Variants in HR observed in about 807,000 individuals in gnomAD.
HR encodes HR lysine demethylase and nuclear receptor corepressor.
Under a neutral mutation model 128.6 loss-of-function variants are expected in HR, and 83 were observed. That is an observed-to-expected ratio of 0.65 (90% CI 0.54 to 0.77). HR has a LOEUF of 0.77. HR is among the 30% of genes least tolerant of loss of function. The pLI is 0.00. For synonymous variants in HR, 681 were observed against 658.2 expected, an observed-to-expected ratio of 1.03 and a Z score of -0.53; for missense variants, 1,490 against 1,574.6, an observed-to-expected ratio of 0.95 and a Z score of 0.91.
chr8:22,125,097 C>T (rs1826850305), intron 5 of HR, among the ~76,000 whole-genome samples: 1 of 152,258 alleles, frequency 6.6e-6, no homozygotes, highest in South Asian at 2.1e-4. Context: ...CTTGCAGATA[C>T]TTGGCACTCA....
In HR at chr8:22,127,732, A is replaced by G. The variant is rs1451397097; in HGVS notation, c.710T>C (p.Leu237Pro). 1.0e-5 allele frequency: 16 copies of G among 1,605,152 alleles called. No individual in the cohort carries two copies. Among genetic ancestry groups the G allele is most frequent in the Non-Finnish European group, 1.4e-5 (16 of 1,179,990 alleles). The stretch of plus-strand genomic sequence containing the variant: ...GCGTTCGGCCTCCCCGGCTCTCTGC[A>G]GGTGCCCACCAGAGTTTAAGCCAAA... Reference protein sequence around the residue: ...GLFGLNSGGHLQRAGEAERPS... With the variant: ...GLFGLNSGGHPQRAGEAERPS... The change falls in exon 3 of 19, where the codon CTG becomes CCG. Residue 237 changes from leucine to proline, a missense_variant. Leu to Pro is a moderately conservative substitution (Grantham distance 98). This residue lies in a region of HR where 1,060 missense variants were observed against 1,060.9 expected (regional missense o/e 1.00). Transcript: ENST00000381418.
chr8:22,119,318 G>T, intron 14 of HR, 35 bp from the exon 15 acceptor site: 1 of 1,612,710 alleles, frequency 6.2e-7, no homozygotes, highest in South Asian at 1.1e-5. Flanking sequence ...GTTAGAAATG[G>T]AATCAGAGAG....
At chr8:22,121,012 G>A (rs1411061496) in intron 10 of HR, 53 bp downstream of exon 10, 5 of 1,612,682 alleles carry the variant, frequency 3.1e-6, no homozygotes, top group African/African-American at 1.3e-5. Context: ...AGGGAGGGCA[G>A]GCCCAGCCTC....
chr8:22,120,331 GGGA>G lies in HR; in HGVS notation c.2776+8_2776+10del. 1 of 1,613,772 alleles carries G rather than the reference GGGA, an allele frequency of 6.2e-7. No individual in the cohort carries two copies. Among genetic ancestry groups the G allele is most frequent in the South Asian group, 1.1e-5 (1 of 91,084 alleles). On this transcript the variant is annotated splice_region_variant and intron_variant, in intron 12 of 18. Transcript: ENST00000381418. ...TCCCAGCTCCCTCTCCCCTGTGTTG[GGGA>G]CACTTACGCTCAGGCCAGGAGAAGC... is the stretch of plus-strand genomic sequence containing the variant.
At position 22,121,204 on chromosome 8, in the gene HR, G is replaced by A; in HGVS notation, c.2228C>T (p.Pro743Leu). The change falls in exon 10 of 19, where the codon CCA becomes CTA. Residue 743 changes from proline (P) to leucine (L), a missense_variant. Pro to Leu is a moderately conservative substitution (Grantham distance 98). Coordinates refer to ENST00000381418, the MANE Select transcript of HR (RefSeq NM_005144.5). ...CCCTCGGCCAGCACGGTCCTCTGCT[G>A]GGGTCTCAGCGGAATCGGGGGTCTC... ...KEETPDSAETPAEDRAGRGPL... is the reference protein window; with the variant it reads ...KEETPDSAETLAEDRAGRGPL... 6.2e-7 allele frequency: 1 copy of A among 1,613,916 alleles called. No homozygotes were observed. Among genetic ancestry groups the A allele is most frequent in the Non-Finnish European group, 8.5e-7 (1 of 1,180,038 alleles).
chr8:22,120,960 T>C lies in HR; in HGVS notation c.2368-2A>G. The C allele has an allele frequency of 6.2e-7, 1 of 1,600,038 alleles. No homozygotes were observed. Among genetic ancestry groups the C allele is most frequent in the Non-Finnish European group, 8.5e-7 (1 of 1,173,396 alleles). ...CAGGATGTTGGTGATGCGGTCATCCTGCAGAGAGGGGCACAGGGGCTTAGG... is the reference window on the plus strand; with the variant it reads ...CAGGATGTTGGTGATGCGGTCATCCCGCAGAGAGGGGCACAGGGGCTTAGG... On this transcript the variant is annotated splice_acceptor_variant, in intron 10 of 18. Transcript: ENST00000381418. LOFTEE classifies it high-confidence loss of function.
rs138592607 is a variant in HR, at chr8:22,127,595, G to T, written c.847C>A (p.Pro283Thr). ...CCAAGAGTATGAACAAGGCCTGGGGGACAAGCGGGCCAGGAGGTCCAGGGC... is the reference window on the plus strand; with the variant it reads ...CCAAGAGTATGAACAAGGCCTGGGGTACAAGCGGGCCAGGAGGTCCAGGGC... ...TVPWTSWPAC[P>T]PGLVHTLGNV... Residue 283 changes from proline (P) to threonine (T), a missense_variant, in exon 3 of 19, where the codon CCC becomes ACC. Pro to Thr is a conservative substitution (Grantham distance 38, BLOSUM62 -1). Transcript: ENST00000381418. The T allele has an allele frequency of 6.2e-7, 1 of 1,611,886 alleles. No homozygotes were observed. Among genetic ancestry groups the T allele is most frequent in the African/African-American group, 1.3e-5 (1 of 74,942 alleles).
At chr8:22,120,620 C>T (rs998277491) in intron 11 of HR, 96 bp downstream of exon 11, 153 of 1,574,754 alleles carry the variant, frequency 9.7e-5, no homozygotes, top group Non-Finnish European at 1.2e-4. Context: ...CCTCCTGCTC[C>T]CCCTGAGCCA....
rs546091015 is a variant in HR at position 22,121,830 on chromosome 8, A to C, written c.2122-136T>G. 7.0e-5 allele frequency: 60 copies of C among 852,292 alleles called. No homozygotes were observed. In the African/African-American group the frequency reaches 9.2e-4, roughly 13 times the overall value. The allele number at this position is 852,292 out of a possible 1,614,324, so 52.8% of individuals were successfully genotyped here. ...CGTGTTTATAGGAGCAAAATGCCAT[A>C]GGATATAACATTAGGTGGAAAAAAG... On this transcript the variant is annotated intron_variant, in intron 8 of 18. Coordinates refer to ENST00000381418, the MANE Select transcript of HR (RefSeq NM_005144.5).
Position 22,117,017 on chromosome 8 carries a change from G to A in HR, c.3236C>T (p.Ala1079Val). The change falls in exon 17 of 19, where the codon GCC becomes GTC. Residue 1079 changes from alanine to valine, a missense_variant. Physicochemically the swap from Ala to Val is moderately conservative, Grantham distance 64. Around this residue, in one of 3 missense-constraint regions of HR, gnomAD observed 423 missense variants for 495.9 expected, o/e 0.85. Transcript: ENST00000381418. ...LQMVCPAGAG[A>V]LEPGAPGSCY... ...GCTGCCTGGGGCGCCAGGCTCCAGG[G>A]CGCCTGCCCCGGCCGGGCACACCTC... is the stretch of plus-strand genomic sequence containing the variant. 6.6e-7 allele frequency: 1 copy of A among 1,517,138 alleles called. No homozygotes were observed. The highest frequency in any genetic ancestry group is 1.2e-5 in the South Asian group (1 of 80,690). 94.0% of individuals were successfully genotyped at this position (1,517,138 alleles called of 1,614,324 possible).
intron 5 of HR, 85 bp from the exon 6 acceptor site, chr8:22,123,898 G>C (rs889375714): frequency 6.8e-7 from 1 of 1,469,708 alleles, no homozygotes; most frequent in African/African-American, 1.4e-5. Flanking sequence ...TCCAAGGAGG[G>C]GCAGGAGAAG....
intron 16 of HR, 63 bp downstream of exon 16, chr8:22,118,887 G>T: frequency 7.2e-7 from 1 of 1,394,892 alleles, no homozygotes; most frequent in South Asian, 1.2e-5. Context: ...ACACTGGGGT[G>T]GGACTGGACG....
At chr8:22,121,348 A>G in intron 9 of HR, 120 bp from the exon 10 acceptor site, 1 of 1,306,018 alleles carries the variant, frequency 7.7e-7, no homozygotes, top group South Asian at 1.4e-5. Context: ...CCCAGCCAGC[A>G]TCCCCCACCT....
At position 22,116,499 on chromosome 8, in the gene HR, G is replaced by A; in HGVS notation, c.3379-71C>T. The stretch of plus-strand genomic sequence containing the variant: ...TCTCCCTGTCCCCCTGGTCCCTGAG[G>A]TTCGCTTCCTCTAATGACAACCACC... On this transcript the variant is annotated intron_variant, in intron 17 of 18. Coordinates refer to ENST00000381418, the MANE Select transcript of HR (RefSeq NM_005144.5). The surrounding 1 kb of genome is among the most constrained non-coding windows in gnomAD (Gnocchi z 4.2). 6.4e-7 allele frequency: 1 copy of A among 1,565,616 alleles called. No individual in the cohort carries two copies. Among genetic ancestry groups the A allele is most frequent in the African/African-American group, 1.4e-5 (1 of 73,758 alleles).
At chr8:22,123,954 AG>A in intron 5 of HR, 141 bp from the exon 6 acceptor site, 2 of 966,352 alleles carry the variant, frequency 2.1e-6, no homozygotes, top group Admixed American at 2.0e-5. Flanking sequence ...GAAGGGAGAC[AG>A]GCCCCTCGAC....
intron 13 of HR, 36 bp from the exon 14 acceptor site, chr8:22,119,926 C>T (rs761145304): frequency 3.7e-6 from 6 of 1,612,358 alleles, no homozygotes; most frequent in Middle Eastern, 1.7e-4. Context: ...GCAGGCCCAA[C>T]CTGGGCACCA....
rs145391526 is a variant in HR, at chr8:22,116,732, G to A, written c.3378+143C>T. On this transcript the variant is annotated intron_variant, in intron 17 of 18. Transcript: ENST00000381418. The surrounding 1 kb of genome is among the most constrained non-coding windows in gnomAD (Gnocchi z 4.2). ...GACTTCAAGGCCTCTTGGCTCCCCC[G>A]TTATCTCTTCCCCACAGCAGCGTGC... is the stretch of plus-strand genomic sequence containing the variant. The A allele has an allele frequency of 8.5e-4, 1,053 of 1,239,144 alleles. 8 individuals carry two copies. The East Asian group carries it at 0.014, about 17-fold the overall frequency. 76.8% of individuals were successfully genotyped at this position (1,239,144 alleles called of 1,614,324 possible). A position where few individuals can be genotyped will look rare whatever the true frequency, so the allele number is the denominator to read the frequency against.
intron 15 of HR, 21 bp downstream of exon 15, chr8:22,119,143 T>G: frequency 6.2e-7 from 1 of 1,613,800 alleles, no homozygotes; most frequent in East Asian, 2.2e-5. Context: ...TCCCCGCTCC[T>G]GCCTCTGGCC....
chr8:22,123,617 T>TGCCCCCCCCCCCCC, intron 6 of HR, 32 bp downstream of exon 6: 3 of 292,092 alleles, frequency 1.0e-5, no homozygotes, highest in Non-Finnish European at 1.9e-5. Flanking sequence ...GAGGGCTCCA[T>TGCCCCCCCCCCCCC]CCCGCCCTCC....
Sources: allele counts gnomAD v4.1 joint callset (sites outside exome capture counted in the v4.1 genomes callset), GRCh38; gene constraint gnomAD v4.1.1; regional missense constraint gnomAD v4.1.1; non-coding constraint Gnocchi (gnomAD v3.1); transcripts MANE v1.5; gene names NCBI Gene and HGNC (gene_info 2026-07-23, HGNC 2026-07-21).